METTL15: variants seen among roughly 807,000 people sequenced by gnomAD.
METTL15 encodes the protein methyltransferase 15, mitochondrial 12S rRNA N4-cytidine.
Under a neutral mutation model 38.3 loss-of-function variants are expected in METTL15, and 34 were observed. The observed-to-expected ratio is 0.89, with a 90% confidence interval of 0.68 to 1.18. The LOEUF (loss-of-function observed/expected upper bound fraction) is 1.18. METTL15 is among the 50% of genes most tolerant of loss of function. METTL15 has a pLI of 0.00. For missense variants in METTL15, 438 were observed against 498.4 expected (o/e 0.88, Z 1.15); for synonymous variants, 162 against 170.9 (o/e 0.95, Z 0.41).
At chr11:28,117,376 A>T (rs1461434088) in intron 3 of METTL15, among the ~76,000 whole-genome samples, 1 of 151,300 alleles carries the variant, frequency 6.6e-6, no homozygotes, top group African/African-American at 2.4e-5. Context: ...CTAAAAACCG[A>T]AGCACATTGT....
chr11:28,252,936 C>A (rs534212993), intron 4 of METTL15, among the ~76,000 whole-genome samples: 1 of 152,250 alleles, frequency 6.6e-6, no homozygotes, highest in South Asian at 2.1e-4. Context: ...TTTCTCTGGT[C>A]TTCTGTAACT....
rs757875368 is a variant in METTL15 at position 28,290,326 on chromosome 11, A to G, written c.528A>G (p.Gln176=). 2.5e-5 allele frequency: 41 copies of G among 1,613,512 alleles called. No homozygotes were observed. Among genetic ancestry groups the G allele is most frequent in the Non-Finnish European group, 3.3e-5 (39 of 1,179,706 alleles). The change falls in exon 5 of 7, where the codon CAA becomes CAG. Residue 176 remains glutamine, a synonymous_variant. Coordinates refer to ENST00000407364, the MANE Select transcript of METTL15 (RefSeq NM_001113528.2). The part of the protein sequence containing the change: ...VLMDLGCSSM[Q]LDTPERGFSL... ...TGGATCTTGGGTGTTCCTCCATGCA[A>G]CTTGATACTCCTGAAAGAGGTTTTT... is the stretch of plus-strand genomic sequence containing the variant.
intron 5 of METTL15, among the ~76,000 whole-genome samples, chr11:28,376,364 A>G (rs1850311825): frequency 1.3e-5 from 2 of 152,012 alleles, no homozygotes; most frequent in African/African-American, 2.4e-5. Flanking sequence ...TTGGGTGCAT[A>G]TATATTTAGG....
intron 3 of METTL15, among the ~76,000 whole-genome samples, chr11:28,176,072 A>G (rs997231453): frequency 4.6e-5 from 7 of 152,056 alleles, no homozygotes; most frequent in Admixed American, 4.6e-4. Flanking sequence ...AATAAAAAGT[A>G]ATGAAGGCTG....
At chr11:28,163,419 T>C in intron 3 of METTL15, 1 of 398,216 alleles carries the variant, frequency 2.5e-6, no homozygotes, top group Non-Finnish European at 4.4e-6. Context: ...CTGCTTTTGC[T>C]GTCATTTGAA....
intron 4 of METTL15, among the ~76,000 whole-genome samples, chr11:28,246,617 T>C (rs1043150871): frequency 6.6e-6 from 1 of 152,164 alleles, no homozygotes; most frequent in Non-Finnish European, 1.5e-5. Context: ...AAGTAAATGA[T>C]CAATAGAATT....
At chr11:28,225,836 T>C (rs1202826026) in intron 4 of METTL15, among the ~76,000 whole-genome samples, 1 of 151,886 alleles carries the variant, frequency 6.6e-6, no homozygotes, top group African/African-American at 2.4e-5. Flanking sequence ...GTTGGTTAGA[T>C]GTGTATTATC....
chr11:28,374,004 T>G (rs1217919817), intron 5 of METTL15, among the ~76,000 whole-genome samples: 3 of 152,174 alleles, frequency 2.0e-5, no homozygotes, highest in Non-Finnish European at 4.4e-5. Context: ...CTGAGGGCTC[T>G]GTTCTGTTCC....
intron 3 of METTL15, among the ~76,000 whole-genome samples, chr11:28,186,023 G>C (rs886777551): frequency 3.3e-5 from 5 of 150,890 alleles, no homozygotes; most frequent in African/African-American, 1.2e-4. Context: ...ATGCATAGTA[G>C]AAATCCAAAT....
chr11:28,506,286 T>G (rs951738393), intron 6 of METTL15, among the ~76,000 whole-genome samples: 1 of 152,224 alleles, frequency 6.6e-6, no homozygotes, highest in Non-Finnish European at 1.5e-5. Context: ...ATTTTGATAT[T>G]TCCTGTGATG....
chr11:28,395,627 C>A (rs1029651733), intron 5 of METTL15, among the ~76,000 whole-genome samples: 2 of 152,068 alleles, frequency 1.3e-5, no homozygotes, highest in African/African-American at 4.8e-5. Flanking sequence ...TGAAAAAAGT[C>A]CAGGACCAGA....
At chr11:28,359,754 C>T (rs765619550) in intron 4 of METTL15, among the ~76,000 whole-genome samples, 94 of 152,152 alleles carry the variant, frequency 6.2e-4, no homozygotes, top group Non-Finnish European at 9.8e-4. Flanking sequence ...TTGCAACTCA[C>T]CAGAAACATG....
chr11:28,241,711 A>G (rs73436594), intron 4 of METTL15, among the ~76,000 whole-genome samples: 22,288 of 152,168 alleles, frequency 0.15, 1,831 homozygotes, highest in East Asian at 0.28. Flanking sequence ...CTGAGAAGAT[A>G]GCATTCAGGC....
intron 4 of METTL15, among the ~76,000 whole-genome samples, chr11:28,270,534 T>C (rs999690854): frequency 2.6e-5 from 4 of 152,154 alleles, no homozygotes; most frequent in Non-Finnish European, 4.4e-5. Context: ...AATAGAGACA[T>C]TGAAACAGAA....
chr11:28,139,176 G>A (rs1377630256), intron 3 of METTL15, among the ~76,000 whole-genome samples: 1 of 152,100 alleles, frequency 6.6e-6, no homozygotes, highest in African/African-American at 2.4e-5. Context: ...CCTACTTTGG[G>A]GGATATATCT....
At chr11:28,306,047 A>G (rs919928914) in intron 6 of METTL15, among the ~76,000 whole-genome samples, 3 of 152,114 alleles carry the variant, frequency 2.0e-5, no homozygotes, top group African/African-American at 4.8e-5. Flanking sequence ...ATTCCTCATT[A>G]TCTTAGAATC....
intron 3 of METTL15, chr11:28,134,621 A>T (rs1586174): frequency 7.5e-6 from 3 of 398,310 alleles, no homozygotes; most frequent in Admixed American, 4.4e-5. Flanking sequence ...GTTTTGGAAA[A>T]GCGGCAGTTA....
intron 4 of METTL15, among the ~76,000 whole-genome samples, chr11:28,281,696 G>C (rs1215163449): frequency 6.6e-6 from 1 of 152,090 alleles, no homozygotes; most frequent in African/African-American, 2.4e-5. Context: ...TATTTTCTTT[G>C]TATCTCAGGT....
At chr11:28,347,475 G>T (rs1472274423) in intron 3 of METTL15, among the ~76,000 whole-genome samples, 1 of 152,128 alleles carries the variant, frequency 6.6e-6, no homozygotes, top group Non-Finnish European at 1.5e-5. Context: ...TTTCTTTCAG[G>T]AATGCATTTC....
Sources: gnomAD v4.1 joint callset for allele counts (sites outside exome capture counted in the v4.1 genomes callset) on GRCh38, gnomAD v4.1.1 for gene constraint, MANE v1.5 for transcripts, NCBI Gene and HGNC (gene_info 2026-07-23, HGNC 2026-07-21) for gene names.